The following FBXO34 variants were observed in gnomAD, a reference collection of about 807,000 sequenced individuals.
The protein encoded by FBXO34 is F-box only protein 34.
Under a neutral mutation model 24.5 loss-of-function variants are expected in FBXO34, and 12 were observed. That is an observed-to-expected ratio of 0.49 (90% confidence interval 0.31 to 0.79). FBXO34 has a LOEUF of 0.79. Ranked by LOEUF, FBXO34 falls within the 30% of genes least tolerant of loss-of-function variation. FBXO34 has a pLI of 0.04. For synonymous variants in FBXO34, 320 were observed against 311.9 expected (o/e 1.03, Z -0.27); for missense variants, 823 against 857.7 (o/e 0.96, Z 0.51).
intron 1 of FBXO34, among the ~76,000 whole-genome samples, chr14:55,341,859 G>A (rs1884004689): frequency 6.6e-6 from 1 of 152,148 alleles, no homozygotes; most frequent in Non-Finnish European, 1.5e-5. Context: ...AAAATGGAAT[G>A]CTTTATTTTG....
the FBXO34 span, among the ~76,000 whole-genome samples, chr14:55,390,528 C>T: frequency 6.6e-6 from 1 of 152,134 alleles, no homozygotes; most frequent in Non-Finnish European, 1.5e-5. Context: ...CACCCGCCAC[C>T]ACACCCAGCT....
chr14:55,371,531 G>A (rs1473770748), downstream of FBXO34, among the ~76,000 whole-genome samples: 1 of 152,200 alleles, frequency 6.6e-6, no homozygotes, highest in Non-Finnish European at 1.5e-5. Flanking sequence ...CTCAGGCCGG[G>A]CGCGGTGGCT....
the FBXO34 span, among the ~76,000 whole-genome samples, chr14:55,427,317 A>G: frequency 6.6e-6 from 1 of 152,326 alleles, no homozygotes; most frequent in South Asian, 2.1e-4. Flanking sequence ...AACATAATCA[A>G]GAGAAAAATA....
chr14:55,375,524 T>G, the FBXO34 span, among the ~76,000 whole-genome samples: 1 of 150,256 alleles, frequency 6.7e-6, no homozygotes, highest in African/African-American at 2.5e-5. Flanking sequence ...TTTTACTTTT[T>G]GTAGACATGG....
At chr14:55,364,241 G>A (rs868201996), downstream of FBXO34, among the ~76,000 whole-genome samples, 1 of 151,962 alleles carries the variant, frequency 6.6e-6, no homozygotes, top group Non-Finnish European at 1.5e-5. Context: ...GAGCCACCAC[G>A]CCCAGCTAAT....
chr14:55,349,773 A>G (rs1301988954), intron 1 of FBXO34, among the ~76,000 whole-genome samples: 1 of 151,884 alleles, frequency 6.6e-6, no homozygotes, highest in East Asian at 1.9e-4. Flanking sequence ...CGCCCGGCTG[A>G]TTTTTGTACT....
intron 1 of FBXO34, chr14:55,339,536 C>G (rs939535268): frequency 5.3e-5 from 8 of 152,094 alleles, no homozygotes; most frequent in Non-Finnish European, 7.3e-5. Context: ...TAATACACAA[C>G]AATGAAGATT....
the FBXO34 span, among the ~76,000 whole-genome samples, chr14:55,413,149 T>C: frequency 6.6e-6 from 1 of 152,246 alleles, no homozygotes; most frequent in African/African-American, 2.4e-5. Context: ...AAGTTTAAGA[T>C]TTATTTTTAA....
At chr14:55,322,190 G>A (rs1883158175) in intron 1 of FBXO34, among the ~76,000 whole-genome samples, 2 of 151,722 alleles carry the variant, frequency 1.3e-5, no homozygotes, top group African/African-American at 4.8e-5. Flanking sequence ...GGCGCCTGTA[G>A]TCCCAGCTAC....
At chr14:55,301,744 T>G (rs1211385655) in intron 1 of FBXO34, among the ~76,000 whole-genome samples, 24 of 152,196 alleles carry the variant, frequency 1.6e-4, no homozygotes, top group Admixed American at 1.6e-3. Flanking sequence ...GTGTAATGGG[T>G]TTGATTGGGA....
At chr14:55,370,333 A>G (rs1463083609), downstream of FBXO34, among the ~76,000 whole-genome samples, 1 of 152,232 alleles carries the variant, frequency 6.6e-6, no homozygotes, top group Non-Finnish European at 1.5e-5. Context: ...TCTGGATATT[A>G]TTTAGTGTAA....
chr14:55,326,380 G>A (rs1311061747), intron 1 of FBXO34, among the ~76,000 whole-genome samples: 2 of 152,186 alleles, frequency 1.3e-5, no homozygotes, highest in Non-Finnish European at 2.9e-5. Flanking sequence ...CCTAGGTGAG[G>A]GCTGCAGGTA....
chr14:55,273,039 C>T (rs1881210581), intron 1 of FBXO34, among the ~76,000 whole-genome samples: 1 of 152,184 alleles, frequency 6.6e-6, no homozygotes, highest in Non-Finnish European at 1.5e-5. Context: ...TTCATTTCCT[C>T]CTCTGTAGAA....
At chr14:55,441,485 G>C in the FBXO34 span, among the ~76,000 whole-genome samples, 3 of 152,084 alleles carry the variant, frequency 2.0e-5, no homozygotes, top group African/African-American at 7.2e-5. Flanking sequence ...TGAGCAGAGT[G>C]AGTGGAATGA....
At chr14:55,277,834 T>C (rs548419369) in intron 1 of FBXO34, among the ~76,000 whole-genome samples, 2 of 152,326 alleles carry the variant, frequency 1.3e-5, no homozygotes, top group African/African-American at 4.8e-5. Context: ...ATGCTTCTTT[T>C]GTATATCCCT....
chr14:55,339,509 G>A (rs575310510), intron 1 of FBXO34: 1 of 151,648 alleles, frequency 6.6e-6, no homozygotes, highest in Non-Finnish European at 1.5e-5. Flanking sequence ...TCCAAGTTTT[G>A]TCAGATTCTT....
At chr14:55,287,123 C>G (rs949418445) in intron 1 of FBXO34, among the ~76,000 whole-genome samples, 9 of 152,094 alleles carry the variant, frequency 5.9e-5, no homozygotes, top group South Asian at 2.1e-4. Flanking sequence ...CCAGGCTGGT[C>G]TTGAACTCCT....
At chr14:55,360,155 C>G (rs935721877) in intron 3 of FBXO34, among the ~76,000 whole-genome samples, 2 of 152,104 alleles carry the variant, frequency 1.3e-5, no homozygotes, top group Non-Finnish European at 2.9e-5. Context: ...TCACTGCAGC[C>G]TCCACCTCCT....
intron 1 of FBXO34, among the ~76,000 whole-genome samples, chr14:55,299,870 A>G (rs1211106346): frequency 2.0e-5 from 3 of 152,200 alleles, no homozygotes; most frequent in Non-Finnish European, 4.4e-5. Flanking sequence ...CAGCTTCAAC[A>G]GTTATCAACC....
Sources: allele counts gnomAD v4.1 joint callset (sites outside exome capture counted in the v4.1 genomes callset), GRCh38; gene constraint gnomAD v4.1.1; transcripts MANE v1.5; gene names NCBI Gene and HGNC (gene_info 2026-07-23, HGNC 2026-07-21).